The following RNF19B variants were observed in gnomAD, a reference collection of about 807,000 sequenced individuals.
RNF19B encodes the protein ring finger protein 19B.
RNF19B carries 23 observed loss-of-function variants against 65.5 expected under a neutral mutation model. The observed-to-expected ratio is 0.35, with a 90% CI of 0.25 to 0.50. The LOEUF is 0.50. Ranked by LOEUF, RNF19B falls within the 20% of genes least tolerant of loss-of-function variation. The pLI is 0.98. For missense variants in RNF19B, 794 were observed against 980.0 expected, an observed-to-expected ratio of 0.81 and a Z score of 2.53; for synonymous variants, 372 against 379.6, an observed-to-expected ratio of 0.98 and a Z score of 0.23.
chr1:32,935,424 C>A (rs1375297945), downstream of RNF19B, among the ~76,000 whole-genome samples: 1 of 152,214 alleles, frequency 6.6e-6, no homozygotes, highest in Admixed American at 6.5e-5. Context: ...CAGGCGTGAG[C>A]CACTGTGCCC....
chr1:32,946,464 G>A lies in RNF19B; in HGVS notation c.1084C>T (p.Leu362Phe). The change falls in exon 4 of 9, where the codon CTC becomes TTC. Residue 362 changes from leucine to phenylalanine, a missense_variant. Physicochemically the swap from Leu to Phe is conservative, Grantham distance 22. Coordinates refer to ENST00000235150, the MANE Select transcript of RNF19B (RefSeq NM_001300826.2). ...TLIGAPVGIS[L>F]IAGIAIPAMV... ...GCAGGAATGGCAATGCCAGCAATGA[G>A]AGAAATCCCCACTGGAGCACCAATC... is the stretch of plus-strand genomic sequence containing the variant. 3 of 1,614,104 alleles carry A rather than the reference G, an allele frequency of 1.9e-6. No individual in the cohort carries two copies. Among genetic ancestry groups the A allele is most frequent in the Admixed American group, 1.7e-5 (1 of 60,022 alleles).
downstream of RNF19B, among the ~76,000 whole-genome samples, chr1:32,935,868 C>A (rs1481740301): frequency 1.3e-5 from 2 of 152,130 alleles, no homozygotes; most frequent in African/African-American, 4.8e-5. Flanking sequence ...CTGCCACAGC[C>A]CCCTGAGTAG....
In RNF19B at chr1:32,944,170, A is replaced by G. The variant is rs1293770921; in HGVS notation, c.1262-11T>C. The G allele has an allele frequency of 6.2e-7, 1 of 1,606,070 alleles. No homozygotes were observed. The highest frequency in any genetic ancestry group is 8.5e-7 in the Non-Finnish European group (1 of 1,176,010). ...TGGGGACACCAATACCTGGGGGAAGAGAAGGAAACATGTCAGCTGGCTATT... is the reference window on the plus strand; with the variant it reads ...TGGGGACACCAATACCTGGGGGAAGGGAAGGAAACATGTCAGCTGGCTATT... On this transcript the variant is annotated splice_polypyrimidine_tract_variant and intron_variant, in intron 5 of 8. Coordinates refer to ENST00000235150, the MANE Select transcript of RNF19B (RefSeq NM_001300826.2).
At chr1:32,941,345 C>T (rs1020798325) in intron 7 of RNF19B, among the ~76,000 whole-genome samples, 4 of 151,900 alleles carry the variant, frequency 2.6e-5, no homozygotes, top group Non-Finnish European at 4.4e-5. Flanking sequence ...GAGCTTGAGA[C>T]CAGCCTGGCC....
rs932945052 is a variant in RNF19B, at chr1:32,936,765, G to A, written c.*41C>T. ...AAAAAAAAAAATTCCAAAAGATGCAGTTACAAGTGTGCTTCTCAGAACAGG... is the reference window on the plus strand; with the variant it reads ...AAAAAAAAAAATTCCAAAAGATGCAATTACAAGTGTGCTTCTCAGAACAGG... On this transcript the variant is annotated 3_prime_UTR_variant, in exon 9 of 9. Transcript: ENST00000235150. 1 of 1,450,676 alleles carries A rather than the reference G, an allele frequency of 6.9e-7. No homozygotes were observed. The highest frequency in any genetic ancestry group is 1.4e-5 in the African/African-American group (1 of 70,232). The allele number at this position is 1,450,676 out of a possible 1,614,324, so 89.9% of individuals were successfully genotyped here.
chr1:32,956,686 G>C (rs1356159807), intron 1 of RNF19B, among the ~76,000 whole-genome samples: 2 of 152,176 alleles, frequency 1.3e-5, no homozygotes, highest in Non-Finnish European at 2.9e-5. Context: ...TAAATCTTCA[G>C]AAACTTCATA....
chr1:32,964,642 A>T lies in RNF19B; in HGVS notation c.44T>A (p.Leu15Gln), dbSNP rs2124205397. The T allele has an allele frequency of 6.8e-7, 1 of 1,473,732 alleles. No individual in the cohort carries two copies. The highest frequency in any genetic ancestry group is 3.1e-5 in the East Asian group (1 of 32,580). 91.3% of individuals were successfully genotyped at this position (1,473,732 alleles called of 1,614,324 possible). The stretch of plus-strand genomic sequence containing the variant: ...CTTAGGGTCGGGTGCGGCCGCATGT[A>T]GCGATGTGGAGCGCGGCGACTCGGA... Reference protein sequence around the residue: ...KDSESPRSTSLHAAAPDPKCR... With the variant: ...KDSESPRSTSQHAAAPDPKCR... Residue 15 changes from leucine (L) to glutamine (Q), a missense_variant, in exon 1 of 9, where the codon CTA becomes CAA. Transcript: ENST00000235150. The surrounding 1 kb of genome is among the most constrained non-coding windows in gnomAD (Gnocchi z 6.5).
At chr1:32,944,249 T>G (rs552764690) in intron 5 of RNF19B, 90 bp from the exon 6 acceptor site, 21 of 1,412,670 alleles carry the variant, frequency 1.5e-5, no homozygotes, top group Non-Finnish European at 2.0e-5. Context: ...ACAAACCACT[T>G]TATAAAGAAA....
chr1:32,935,732 C>T (rs918306956), downstream of RNF19B, among the ~76,000 whole-genome samples: 3 of 152,044 alleles, frequency 2.0e-5, no homozygotes, highest in Admixed American at 6.6e-5. Context: ...TGTTCTCCAA[C>T]TTGTAACCAT....
chr1:32,956,754 TA>T (rs970807230), intron 1 of RNF19B, among the ~76,000 whole-genome samples: 1 of 152,096 alleles, frequency 6.6e-6, no homozygotes, highest in Non-Finnish European at 1.5e-5. Context: ...AGATTTCCAT[TA>T]GTATAAATTT....
rs531110608 is a variant in RNF19B at position 32,963,011 on chromosome 1, C to A, written c.635+1040G>T. On this transcript the variant is annotated intron_variant, in intron 1 of 8. Coordinates refer to ENST00000235150, the MANE Select transcript of RNF19B (RefSeq NM_001300826.2). The stretch of plus-strand genomic sequence containing the variant: ...TTACTGCCCTTTAAAATTCAGCCTA[C>A]ATGGTGCATTAAAAAGACTGTCATC... 5.3e-5 allele frequency among the ~76,000 whole-genome samples: 8 copies of A among 152,312 alleles called. No individual in the cohort carries two copies. The South Asian group carries it at 1.4e-3, about 28-fold the overall frequency.
At chr1:32,957,224 C>T (rs1187177084) in intron 1 of RNF19B, among the ~76,000 whole-genome samples, 1 of 152,148 alleles carries the variant, frequency 6.6e-6, no homozygotes, top group East Asian at 1.9e-4. Context: ...AGGCTGGTCT[C>T]GAACTCCTGG....
Position 32,945,547 on chromosome 1 carries a change from T to C in RNF19B, c.1228A>G (p.Ile410Val). 2 of 1,613,760 alleles carry C rather than the reference T, an allele frequency of 1.2e-6. No individual in the cohort carries two copies. The highest frequency in any genetic ancestry group is 1.1e-5 in the South Asian group (1 of 91,076). Residue 410 changes from isoleucine (I) to valine (V), a missense_variant, in exon 5 of 9, where the codon ATT (isoleucine) becomes GTT (valine). Around this residue, in one of 3 missense-constraint regions of RNF19B, gnomAD observed 368 missense variants for 447.3 expected, o/e 0.82. Transcript: ENST00000235150. ...ACTGCAGCAATAACTGGGGATGCAA[T>C]GACCGACAAAGTCACTCCTCCAGTG... ...AITGGVTLSV[I>V]ASPVIAAVSV... is the part of the protein sequence containing the mutation.
intron 1 of RNF19B, among the ~76,000 whole-genome samples, chr1:32,960,678 C>A (rs1390506166): frequency 1.3e-5 from 2 of 151,962 alleles, no homozygotes; most frequent in East Asian, 1.9e-4. Flanking sequence ...AACAAGGGAA[C>A]CATGACATCC....
At chr1:32,947,809 T>A (rs1349209401) in intron 3 of RNF19B, among the ~76,000 whole-genome samples, 4 of 151,972 alleles carry the variant, frequency 2.6e-5, no homozygotes, top group Non-Finnish European at 5.9e-5. Flanking sequence ...TGACGATATT[T>A]ATGACAAAAG....
Position 32,937,027 on chromosome 1 carries a change from G to A in RNF19B, c.1975C>T (p.Pro659Ser). The change falls in exon 9 of 9, where the codon CCT becomes TCT. Residue 659 changes from proline to serine, a missense_variant. By Grantham distance (74) the Pro-to-Ser change is moderately conservative. Transcript: ENST00000235150. ...TCTAGGTCACTGCGGATGCTTTCAG[G>A]CTGGGCCAGGCTGATGTCCCAAGGT... ...SKPWDISLAQPESIRSDLESS... is the reference protein window; with the variant it reads ...SKPWDISLAQSESIRSDLESS... 1 of 1,614,206 alleles carries A rather than the reference G, an allele frequency of 6.2e-7. No homozygotes were observed. Among genetic ancestry groups the A allele is most frequent in the South Asian group, 1.1e-5 (1 of 91,082 alleles).
At chr1:32,959,833 C>G (rs1256235635) in intron 1 of RNF19B, among the ~76,000 whole-genome samples, 1 of 147,680 alleles carries the variant, frequency 6.8e-6, no homozygotes, top group African/African-American at 2.5e-5. Flanking sequence ...GTCAGGAGAT[C>G]GAGACCATCC....
At chr1:32,950,926 G>A (rs1266024711) in intron 1 of RNF19B, among the ~76,000 whole-genome samples, 3 of 148,906 alleles carry the variant, frequency 2.0e-5, no homozygotes, top group Non-Finnish European at 3.0e-5. Flanking sequence ...TGCAACCTCC[G>A]CCTCCCGGGT....
the RNF19B span, among the ~76,000 whole-genome samples, chr1:32,929,672 C>T: frequency 6.6e-6 from 1 of 152,164 alleles, no homozygotes; most frequent in African/African-American, 2.4e-5. Flanking sequence ...GTACCCTGCA[C>T]CCCCTTTTTC....
Sources: allele counts gnomAD v4.1 joint callset (sites outside exome capture counted in the v4.1 genomes callset), GRCh38; gene constraint gnomAD v4.1.1; regional missense constraint gnomAD v4.1.1; non-coding constraint Gnocchi (gnomAD v3.1); transcripts MANE v1.5; gene names NCBI Gene and HGNC (gene_info 2026-07-23, HGNC 2026-07-21).